Variants in OXR1 observed in about 807,000 individuals in gnomAD.
The protein encoded by OXR1 is oxidation resistance 1.
A neutral mutation model predicts 104.6 loss-of-function variants in OXR1; 41 were observed. That is an observed-to-expected ratio of 0.39 (90% CI 0.31 to 0.51). OXR1 has a LOEUF of 0.51. Ranked by LOEUF, OXR1 falls within the 20% of genes least tolerant of loss-of-function variation. The pLI, the probability that OXR1 is intolerant of heterozygous loss-of-function variation, is 0.77. For missense variants in OXR1, 955 were observed against 1,031.9 expected, an observed-to-expected ratio of 0.93 and a Z score of 1.02; for synonymous variants, 348 against 348.4, an observed-to-expected ratio of 1.00 and a Z score of 0.01.
At chr8:106,560,904 G>T (rs1236830023) in intron 3 of OXR1, among the ~76,000 whole-genome samples, 1 of 152,192 alleles carries the variant, frequency 6.6e-6, no homozygotes, top group Non-Finnish European at 1.5e-5. Flanking sequence ...GGAAGTGCAA[G>T]TGGTTGGGGA....
intron 2 of OXR1, among the ~76,000 whole-genome samples, chr8:106,474,016 C>T (rs923185811): frequency 8.8e-5 from 5 of 56,940 alleles, no homozygotes; most frequent in African/African-American, 4.9e-4. Context: ...TATTTATACA[C>T]ACACACACAC....
At chr8:106,379,641 G>A (rs1011180800) in intron 2 of OXR1, among the ~76,000 whole-genome samples, 1 of 147,680 alleles carries the variant, frequency 6.8e-6, no homozygotes, top group Non-Finnish European at 1.5e-5. Context: ...AGGTTCAAGC[G>A]ATTCTCGTGC....
chr8:106,683,188 C>T lies in OXR1; in HGVS notation c.304-11C>T. The T allele has an allele frequency of 7.4e-7, 1 of 1,350,404 alleles. No individual in the cohort carries two copies. Among genetic ancestry groups the T allele is most frequent in the Admixed American group, 1.8e-5 (1 of 55,900 alleles). 83.7% of individuals were successfully genotyped at this position (1,350,404 alleles called of 1,614,324 possible). ...TAAACATTGAAATAATTTATTTTTT[C>T]TTTTAAACAGGTTGAATCAAGGGAT... is the stretch of plus-strand genomic sequence containing the variant. On this transcript the variant is annotated splice_polypyrimidine_tract_variant and intron_variant, in intron 4 of 16. Transcript: ENST00000517566.
chr8:106,718,091 G>A (rs575683115), intron 11 of OXR1, among the ~76,000 whole-genome samples: 1 of 152,158 alleles, frequency 6.6e-6, no homozygotes, highest in African/African-American at 2.4e-5. Flanking sequence ...TATTTACTGC[G>A]ATAGTGTGAA....
rs553298983 is a variant in OXR1 at position 106,690,415 on chromosome 8, G to A, written c.526-2313G>A. ...ATAGATTATACTGTAATTATACCTC[G>A]GTCTTATATTCTTAGAACAAAATTT... On this transcript the variant is annotated intron_variant, in intron 6 of 16. Transcript: ENST00000517566. 5.6e-4 allele frequency among the ~76,000 whole-genome samples: 84 copies of A among 150,414 alleles called. 2 individuals carry two copies. In the South Asian group the frequency reaches 0.012, roughly 21 times the overall value.
chr8:106,624,799 G>A (rs905129479), intron 3 of OXR1, among the ~76,000 whole-genome samples: 1 of 151,996 alleles, frequency 6.6e-6, no homozygotes, highest in African/African-American at 2.4e-5. Context: ...TTTGTTTTTG[G>A]TTTTGTTTCT....
At chr8:106,418,653 T>C (rs1169472044) in intron 2 of OXR1, among the ~76,000 whole-genome samples, 1 of 152,162 alleles carries the variant, frequency 6.6e-6, no homozygotes, top group Admixed American at 6.6e-5. Context: ...GTTTATTTAT[T>C]TACCGAAGAG....
intron 1 of OXR1, among the ~76,000 whole-genome samples, chr8:106,317,434 T>C (rs1450408194): frequency 1.3e-5 from 2 of 152,152 alleles, no homozygotes; most frequent in Non-Finnish European, 2.9e-5. Flanking sequence ...CAGGAAACTA[T>C]ACCAAATTTA....
chr8:106,528,107 C>G (rs1485957807), intron 3 of OXR1, among the ~76,000 whole-genome samples: 1 of 152,098 alleles, frequency 6.6e-6, no homozygotes, highest in African/African-American at 2.4e-5. Context: ...TCCCCTCCCT[C>G]TTTCCTTTCT....
At chr8:106,561,982 A>G (rs1563606998) in intron 3 of OXR1, among the ~76,000 whole-genome samples, 2 of 152,208 alleles carry the variant, frequency 1.3e-5, no homozygotes, top group Non-Finnish European at 2.9e-5. Flanking sequence ...ACCAACATAA[A>G]AGACCAAAGG....
chr8:106,512,807 G>T (rs1010234297), intron 2 of OXR1, among the ~76,000 whole-genome samples: 3 of 151,746 alleles, frequency 2.0e-5, no homozygotes, highest in African/African-American at 7.3e-5. Context: ...GGGAAGATAA[G>T]ACAAAAAAAG....
intron 1 of OXR1, among the ~76,000 whole-genome samples, chr8:106,286,249 CAA>C (rs1388984576): frequency 6.7e-6 from 1 of 148,534 alleles, no homozygotes; most frequent in African/African-American, 2.6e-5. Flanking sequence ...CAAAACAAAA[CAA>C]AAAGTAAAAA....
At chr8:106,739,436 C>T (rs771182581) in intron 12 of OXR1, 22 bp from the exon 13 acceptor site, 2 of 1,602,168 alleles carry the variant, frequency 1.2e-6, no homozygotes, top group South Asian at 1.1e-5. Flanking sequence ...CATTAATGCA[C>T]TACCTCTATT....
chr8:106,610,053 G>T (rs888897247), intron 3 of OXR1, among the ~76,000 whole-genome samples: 4 of 151,476 alleles, frequency 2.6e-5, no homozygotes, highest in African/African-American at 9.7e-5. Flanking sequence ...TTGTTCACTA[G>T]TAATATACAG....
chr8:106,657,778 TC>T lies in OXR1; in HGVS notation c.221-21431del, dbSNP rs1347355944. 3 of 1,171,790 alleles carry T rather than the reference TC, an allele frequency of 2.6e-6. No homozygotes were observed. In the East Asian group the frequency reaches 9.6e-5, roughly 38 times the overall value. The allele number at this position is 1,171,790 out of a possible 1,614,324, so 72.6% of individuals were successfully genotyped here. The stretch of plus-strand genomic sequence containing the variant: ...AAAACTTTTCGAAAACTTTTGTCCG[TC>T]TTTTGCTCCCCCGACGCGTGGTTTC... On this transcript the variant is annotated intron_variant, in intron 3 of 16. Coordinates refer to ENST00000517566, the MANE Select transcript of OXR1 (RefSeq NM_001198533.2).
intron 2 of OXR1, among the ~76,000 whole-genome samples, chr8:106,500,422 T>C (rs1275894119): frequency 6.6e-6 from 1 of 152,242 alleles, no homozygotes; most frequent in East Asian, 1.9e-4. Flanking sequence ...TGCCCTGTTC[T>C]GTTTCTCTCT....
intron 1 of OXR1, among the ~76,000 whole-genome samples, chr8:106,321,353 G>A (rs1295243228): frequency 6.6e-6 from 1 of 152,136 alleles, no homozygotes; most frequent in African/African-American, 2.4e-5. Context: ...TAATGAAATG[G>A]AACCTTTATG....
intron 2 of OXR1, among the ~76,000 whole-genome samples, chr8:106,451,605 T>A (rs1367966658): frequency 3.3e-5 from 5 of 152,220 alleles, no homozygotes; most frequent in African/African-American, 7.2e-5. Context: ...TGTTGAAGTA[T>A]GCTGGTTGAA....
chr8:106,397,264 T>C (rs1817818026), intron 2 of OXR1, among the ~76,000 whole-genome samples: 1 of 152,108 alleles, frequency 6.6e-6, no homozygotes, highest in South Asian at 2.1e-4. Flanking sequence ...AAAGCCCAGC[T>C]AATCTCTTAG....
Sources: gnomAD v4.1 joint callset for allele counts (sites outside exome capture counted in the v4.1 genomes callset) on GRCh38, gnomAD v4.1.1 for gene constraint, MANE v1.5 for transcripts, NCBI Gene and HGNC (gene_info 2026-07-23, HGNC 2026-07-21) for gene names.